Variants in TMX2 observed in about 807,000 individuals in gnomAD.
The protein encoded by TMX2 is thioredoxin related transmembrane protein 2.
TMX2 carries 20 observed loss-of-function variants against 33.4 expected under a neutral mutation model. That is an observed-to-expected ratio of 0.60 (90% CI 0.42 to 0.87). The LOEUF is 0.87. Among genes scored for constraint, TMX2 ranks in the 40% least tolerant of loss-of-function variants. The probability of loss-of-function intolerance (pLI) is 0.00; values close to 1 mark genes in which losing one functional copy is unlikely to be tolerated. For missense variants in TMX2, 340 were observed against 370.7 expected (o/e 0.92, Z 0.68); for synonymous variants, 166 against 140.7 (o/e 1.18, Z -1.27).
intron 1 of TMX2, among the ~76,000 whole-genome samples, chr11:57,716,485 T>G (rs866193295): frequency 6.0e-5 from 2 of 33,440 alleles, no homozygotes; most frequent in East Asian, 2.3e-3. Flanking sequence ...CTGGCCGGGC[T>G]GAGGGGCTCC....
At position 57,712,709 on chromosome 11, in the gene TMX2, C is replaced by T; in HGVS notation, c.91C>T (p.Leu31=). The change falls in exon 1 of 8, where the codon CTG becomes TTG. Residue 31 remains leucine, a synonymous_variant. Transcript: ENST00000278422. ...LAQPYYLLSA[L]LSAAFLLVRK... Reference sequence around the variant, plus strand: ...CCAACCTTACTACCTTCTGTCGGCCCTGCTCTCTGCTGCCTTCCTACTCGT... The same window carrying T: ...CCAACCTTACTACCTTCTGTCGGCCTTGCTCTCTGCTGCCTTCCTACTCGT... The T allele has an allele frequency of 6.2e-7, 1 of 1,614,216 alleles. No individual in the cohort carries two copies. Among genetic ancestry groups the T allele is most frequent in the Non-Finnish European group, 8.5e-7 (1 of 1,180,038 alleles).
At chr11:57,715,979 CT>C (rs1399828604) in intron 1 of TMX2, among the ~76,000 whole-genome samples, 1 of 152,210 alleles carries the variant, frequency 6.6e-6, no homozygotes, top group African/African-American at 2.4e-5. Flanking sequence ...CCCGTGTCTA[CT>C]TCTTTCTACA....
intron 1 of TMX2, among the ~76,000 whole-genome samples, chr11:57,717,248 G>C (rs1293733144): frequency 6.7e-6 from 1 of 148,658 alleles, no homozygotes; most frequent in Non-Finnish European, 1.5e-5. Context: ...GGCTCTTCAC[G>C]TCCCAGACGA....
At chr11:57,727,163 T>C (rs997145778) in intron 1 of TMX2, among the ~76,000 whole-genome samples, 16 of 151,454 alleles carry the variant, frequency 1.1e-4, no homozygotes, top group African/African-American at 2.9e-4. Flanking sequence ...TGATCCGGGA[T>C]TTTTTTTTAG....
intron 5 of TMX2, 29 bp from the exon 6 acceptor site, chr11:57,738,945 C>T: frequency 1.9e-6 from 3 of 1,598,258 alleles, no homozygotes; most frequent in Non-Finnish European, 1.7e-6. Flanking sequence ...TATTTTTTTT[C>T]AGCATATTAA....
At chr11:57,719,036 T>A (rs1201601630) in intron 1 of TMX2, among the ~76,000 whole-genome samples, 2,706 of 85,320 alleles carry the variant, frequency 0.032, 12 homozygotes, top group East Asian at 0.22. Flanking sequence ...TATATATATT[T>A]TTTTTTTTTT....
chr11:57,715,348 C>T (rs1446610092), intron 1 of TMX2, among the ~76,000 whole-genome samples: 1 of 151,968 alleles, frequency 6.6e-6, no homozygotes, highest in East Asian at 1.9e-4. Flanking sequence ...TTGCAGTGAG[C>T]CAGGATCGTG....
In TMX2 at chr11:57,739,211, G is replaced by A. The variant is rs763759935; in HGVS notation, c.695G>A (p.Arg232Gln). Residue 232 changes from arginine (R) to glutamine (Q), a missense_variant, in exon 7 of 8, where the codon CGG becomes CAG. Coordinates refer to ENST00000278422, the MANE Select transcript of TMX2 (RefSeq NM_015959.4). The stretch of plus-strand genomic sequence containing the variant: ...CAAGGTGGCAAGGAGGCAATGCGGC[G>A]GCCACAGATTGACAAGAAAGGACGG... ...LFQGGKEAMR[R>Q]PQIDKKGRAV... 99 of 1,614,018 alleles carry A rather than the reference G, an allele frequency of 6.1e-5. No homozygotes were observed. Among genetic ancestry groups the A allele is most frequent in the African/African-American group, 9.3e-5 (7 of 74,976 alleles).
At chr11:57,716,112 G>A (rs1000217791) in intron 1 of TMX2, among the ~76,000 whole-genome samples, 1 of 151,954 alleles carries the variant, frequency 6.6e-6, no homozygotes, top group Non-Finnish European at 1.5e-5. Flanking sequence ...CCTCCCAGAC[G>A]GGGTGGTGGC....
chr11:57,719,199 C>T (rs1947400983), intron 1 of TMX2, among the ~76,000 whole-genome samples: 5 of 150,792 alleles, frequency 3.3e-5, no homozygotes, highest in Admixed American at 3.3e-4. Flanking sequence ...CCACGCCCGG[C>T]TAATTTTTTG....
At chr11:57,718,541 A>C (rs1236963133) in intron 1 of TMX2, 1 of 680,286 alleles carries the variant, frequency 1.5e-6, no homozygotes. Context: ...GGCTGATAGT[A>C]CAGGGCTCCT....
At chr11:57,733,193 G>C (rs1948503101) in intron 1 of TMX2, among the ~76,000 whole-genome samples, 1 of 148,638 alleles carries the variant, frequency 6.7e-6, no homozygotes, top group African/African-American at 2.5e-5. Flanking sequence ...GTGTGTCAGT[G>C]ATAACTGTGG....
chr11:57,723,497 C>A (rs1204281736), intron 1 of TMX2, among the ~76,000 whole-genome samples: 7 of 130,744 alleles, frequency 5.4e-5, no homozygotes, highest in African/African-American at 2.0e-4. Context: ...AAAAAAAATT[C>A]ATCGCAAAAA....
intron 1 of TMX2, among the ~76,000 whole-genome samples, chr11:57,719,619 C>T (rs2135495559): frequency 6.9e-6 from 1 of 145,216 alleles, no homozygotes; most frequent in African/African-American, 2.5e-5. Flanking sequence ...CTCCCGGGCT[C>T]AAGTATTCCA....
intron 1 of TMX2, among the ~76,000 whole-genome samples, chr11:57,721,681 A>G (rs1233338964): frequency 6.6e-6 from 1 of 152,236 alleles, no homozygotes; most frequent in Non-Finnish European, 1.5e-5. Flanking sequence ...CTTCATGGAA[A>G]GTCTCAGAGG....
At position 57,739,134 on chromosome 11, in the gene TMX2, C is replaced by G. The variant is rs1267360467; in HGVS notation, c.618C>G (p.Tyr206Ter). Residue 206 changes from tyrosine to a stop codon, truncating the protein, a stop_gained, in exon 7 of 8, where the codon TAC becomes TAG. Coordinates refer to ENST00000278422, the MANE Select transcript of TMX2 (RefSeq NM_015959.4). LOFTEE classifies it high-confidence loss of function. ...VGRYTDVSTRYKVSTSPLTKQ... is the reference protein window; with the variant it reads ...VGRYTDVSTR ...GAGAACTTTCTGGGCCCTGCAGGTA[C>G]AAAGTGAGCACATCACCCCTCACCA... The G allele has an allele frequency of 6.2e-7, 1 of 1,614,132 alleles. No individual in the cohort carries two copies. Among genetic ancestry groups the G allele is most frequent in the Non-Finnish European group, 8.5e-7 (1 of 1,180,032 alleles).
rs556296826 is a variant in TMX2 at position 57,737,814 on chromosome 11, C to T, written c.251-99C>T. The T allele has an allele frequency of 1.9e-6, 3 of 1,609,742 alleles. No homozygotes were observed. The Admixed American group carries it at 5.0e-5, about 27-fold the overall frequency. ...GAATTTGAACTTGGACTTCTATCCC[C>T]TCCCTGTCTCCTATTTCAAAGTGCC... On this transcript the variant is annotated intron_variant, in intron 2 of 7. Coordinates refer to ENST00000278422, the MANE Select transcript of TMX2 (RefSeq NM_015959.4).
At chr11:57,719,242 G>A (rs1947404167) in intron 1 of TMX2, among the ~76,000 whole-genome samples, 2 of 150,344 alleles carry the variant, frequency 1.3e-5, no homozygotes, top group South Asian at 4.2e-4. Flanking sequence ...TCACCATGTT[G>A]GCCAGGATGG....
At chr11:57,732,699 G>A (rs1948472255) in intron 1 of TMX2, among the ~76,000 whole-genome samples, 1 of 152,110 alleles carries the variant, frequency 6.6e-6, no homozygotes, top group South Asian at 2.1e-4. Flanking sequence ...GGTTCTCAGA[G>A]CTTCTAGATA....
Sources: allele counts gnomAD v4.1 joint callset (sites outside exome capture counted in the v4.1 genomes callset), GRCh38; gene constraint gnomAD v4.1.1; transcripts MANE v1.5; gene names NCBI Gene and HGNC (gene_info 2026-07-23, HGNC 2026-07-21).